Variants in ZSWIM5 observed in about 807,000 individuals in gnomAD.
ZSWIM5 encodes the protein zinc finger SWIM domain-containing protein 5.
Under a neutral mutation model 119.6 loss-of-function variants are expected in ZSWIM5, and 55 were observed. The observed-to-expected ratio is 0.46, with a 90% CI of 0.37 to 0.58. ZSWIM5 has a LOEUF of 0.58. Ranked by LOEUF, ZSWIM5 falls within the 20% of genes least tolerant of loss-of-function variation. The pLI is 0.00. For missense variants in ZSWIM5, 1,193 were observed against 1,512.8 expected (o/e 0.79, Z 3.51); for synonymous variants, 537 against 606.9 (o/e 0.88, Z 1.69).
intron 5 of ZSWIM5, among the ~76,000 whole-genome samples, chr1:45,050,245 T>C (rs1356168797): frequency 6.6e-6 from 1 of 151,940 alleles, no homozygotes; most frequent in Non-Finnish European, 1.5e-5. Context: ...AAATCCCAGC[T>C]ACTCGGGAGG....
At chr1:45,199,815 A>G (rs1646148785) in intron 1 of ZSWIM5, among the ~76,000 whole-genome samples, 1 of 152,194 alleles carries the variant, frequency 6.6e-6, no homozygotes, top group African/African-American at 2.4e-5. Context: ...TTGATGCCCA[A>G]CCTAACTTTG....
chr1:45,190,216 T>C (rs1646083027), intron 1 of ZSWIM5, among the ~76,000 whole-genome samples: 1 of 151,988 alleles, frequency 6.6e-6, no homozygotes, highest in African/African-American at 2.4e-5. Flanking sequence ...TCCCAGCTAC[T>C]CGGGAGGCTG....
intron 1 of ZSWIM5, among the ~76,000 whole-genome samples, chr1:45,159,977 G>T (rs1182947922): frequency 1.3e-5 from 2 of 152,006 alleles, no homozygotes; most frequent in Admixed American, 1.3e-4. Context: ...CTTTTTTGAT[G>T]AACTCTACTC....
intron 1 of ZSWIM5, among the ~76,000 whole-genome samples, chr1:45,190,926 A>ATTTT (rs1557794312): frequency 3.6e-4 from 26 of 72,198 alleles, no homozygotes; most frequent in African/African-American, 1.3e-3. Flanking sequence ...AAATAGCTGG[A>ATTTT]ATTTTTTTTT....
intron 2 of ZSWIM5, chr1:45,070,010 C>T: frequency 1.3e-6 from 1 of 757,766 alleles, no homozygotes; most frequent in Non-Finnish European, 2.4e-6. Context: ...GTTTCATTCT[C>T]ATGAATACTT....
chr1:45,069,067 C>T (rs1027157020), intron 2 of ZSWIM5, among the ~76,000 whole-genome samples: 2 of 151,912 alleles, frequency 1.3e-5, no homozygotes, highest in African/African-American at 4.8e-5. Flanking sequence ...CTGCTTTGAC[C>T]TCCCAGAGTG....
intron 1 of ZSWIM5, among the ~76,000 whole-genome samples, chr1:45,152,975 T>C (rs1163571510): frequency 1.3e-5 from 2 of 149,312 alleles, no homozygotes; most frequent in Admixed American, 1.4e-4. Flanking sequence ...AAAGAAGACA[T>C]ACAAACAGCC....
At chr1:45,186,640 C>T (rs569361332) in intron 1 of ZSWIM5, among the ~76,000 whole-genome samples, 1 of 152,204 alleles carries the variant, frequency 6.6e-6, no homozygotes, top group East Asian at 1.9e-4. Context: ...GTGTCTCGCT[C>T]TGTCACCGAG....
In ZSWIM5 at chr1:45,088,362, A is replaced by G. The variant is rs1645344354; in HGVS notation, c.596-125T>C. Reference sequence around the variant, plus strand: ...GGTATCTCCTACACACGTACATGATAGGCTTTGCCACAGACACAGAGGTCA... The same window carrying G: ...GGTATCTCCTACACACGTACATGATGGGCTTTGCCACAGACACAGAGGTCA... On this transcript the variant is annotated intron_variant, in intron 1 of 13. Transcript: ENST00000359600. The surrounding 1 kb of genome is among the most constrained non-coding windows in gnomAD (Gnocchi z 4.2). The G allele has an allele frequency of 1.5e-6, 1 of 673,238 alleles. No homozygotes were observed. The highest frequency in any genetic ancestry group is 1.8e-5 in the African/African-American group (1 of 55,374). The allele number at this position is 673,238 out of a possible 1,614,324, so 41.7% of individuals were successfully genotyped here.
At chr1:45,063,175 A>T (rs972474172) in intron 2 of ZSWIM5, among the ~76,000 whole-genome samples, 2 of 152,162 alleles carry the variant, frequency 1.3e-5, no homozygotes, top group African/African-American at 4.8e-5. Flanking sequence ...TAATAGCTGC[A>T]TTGAATTCCA....
At chr1:45,073,962 G>C (rs532214928) in intron 2 of ZSWIM5, among the ~76,000 whole-genome samples, 7 of 151,870 alleles carry the variant, frequency 4.6e-5, no homozygotes, top group Non-Finnish European at 1.0e-4. Flanking sequence ...ATTTTATCAA[G>C]TGCTTTTTCA....
intron 1 of ZSWIM5, among the ~76,000 whole-genome samples, chr1:45,163,213 T>G (rs1415410178): frequency 2.0e-5 from 3 of 152,214 alleles, no homozygotes; most frequent in Admixed American, 2.0e-4. Context: ...AAACAGGGTC[T>G]GGAGTGGACC....
At chr1:45,140,934 G>T (rs1645722579) in intron 1 of ZSWIM5, among the ~76,000 whole-genome samples, 1 of 152,042 alleles carries the variant, frequency 6.6e-6, no homozygotes, top group Non-Finnish European at 1.5e-5. Flanking sequence ...TACCCAGACT[G>T]AATTCAACAC....
chr1:45,138,525 G>C (rs75832995), intron 1 of ZSWIM5, among the ~76,000 whole-genome samples: 5 of 140,872 alleles, frequency 3.5e-5, no homozygotes, highest in African/African-American at 1.0e-4. Flanking sequence ...AAAAAAAAAA[G>C]AAAGGAAGAA....
At chr1:45,089,775 C>A (rs1645353151) in intron 1 of ZSWIM5, among the ~76,000 whole-genome samples, 1 of 152,068 alleles carries the variant, frequency 6.6e-6, no homozygotes, top group Admixed American at 6.6e-5. Flanking sequence ...AGTTGGGAGA[C>A]CAGCCTGGGC....
intron 4 of ZSWIM5, among the ~76,000 whole-genome samples, chr1:45,055,272 G>A (rs535752821): frequency 2.0e-5 from 3 of 152,150 alleles, no homozygotes; most frequent in African/African-American, 7.2e-5. Flanking sequence ...TTACAGGTGT[G>A]AGCCACTGTG....
At chr1:45,084,725 C>T (rs1244582603) in intron 2 of ZSWIM5, among the ~76,000 whole-genome samples, 1 of 152,248 alleles carries the variant, frequency 6.6e-6, no homozygotes, top group East Asian at 1.9e-4. Context: ...CCTTTGGCTC[C>T]ATGTCTCACA....
At chr1:45,138,901 T>C (rs1645707057) in intron 1 of ZSWIM5, among the ~76,000 whole-genome samples, 1 of 151,370 alleles carries the variant, frequency 6.6e-6, no homozygotes, top group African/African-American at 2.4e-5. Context: ...TTTCTTTTTT[T>C]TTTTTTTTGA....
chr1:45,189,650 G>T (rs1646079673), intron 1 of ZSWIM5, among the ~76,000 whole-genome samples: 1 of 152,152 alleles, frequency 6.6e-6, no homozygotes. Context: ...CAGCCACTCG[G>T]GAGGCTGAGG....
Sources: gnomAD v4.1 joint callset for allele counts (sites outside exome capture counted in the v4.1 genomes callset) on GRCh38, gnomAD v4.1.1 for gene constraint, Gnocchi (gnomAD v3.1) non-coding constraint, MANE v1.5 for transcripts, NCBI Gene and HGNC (gene_info 2026-07-23, HGNC 2026-07-21) for gene names.